PDE7A: variants seen among roughly 807,000 people sequenced by gnomAD.
PDE7A encodes high affinity 3',5'-cyclic-AMP phosphodiesterase 7A.
A neutral mutation model predicts 64.3 loss-of-function variants in PDE7A; 39 were observed. The ratio of observed to expected loss-of-function variants is 0.61; its 90% CI spans 0.47 to 0.79. The LOEUF (loss-of-function observed/expected upper bound fraction) is 0.79, where lower values mean the gene tolerates loss of function less well. PDE7A is among the 30% of genes least tolerant of loss of function. PDE7A has a pLI of 0.00. For missense variants in PDE7A, 470 were observed against 582.8 expected (o/e 0.81, Z 1.99); for synonymous variants, 203 against 206.8 (o/e 0.98, Z 0.16).
At chr8:65,721,958 T>G (rs1806397161) in intron 12 of PDE7A, 1 of 151,956 alleles carries the variant, frequency 6.6e-6, no homozygotes, top group Non-Finnish European at 1.5e-5. Context: ...CCCAGCTAAT[T>G]TTTGTATTTT....
chr8:65,759,635 G>C (rs1241710143), intron 3 of PDE7A, among the ~76,000 whole-genome samples: 1 of 152,192 alleles, frequency 6.6e-6, no homozygotes, highest in Non-Finnish European at 1.5e-5. Flanking sequence ...TACTTGGGTA[G>C]TTGTTTCAGT....
rs371261142 is a variant in PDE7A, at chr8:65,827,864, C to A, written c.138+13507G>T. 3.3e-5 allele frequency among the ~76,000 whole-genome samples: 5 copies of A among 152,266 alleles called. No homozygotes were observed. The East Asian group carries it at 5.8e-4, about 18-fold the overall frequency. On this transcript the variant is annotated intron_variant, in intron 1 of 12. Transcript: ENST00000401827. ...CGAAATCGCCTAATGATGCATTTAT[C>A]AGTATGTATCCTCATTGTTAAGCGA...
At chr8:65,841,223 AAAAGGCTCTGCAATCG>A in intron 1 of PDE7A, 132 bp downstream of exon 1, 5 of 921,784 alleles carry the variant, frequency 5.4e-6, no homozygotes, top group Non-Finnish European at 7.4e-6. Context: ...ATATTCAAAG[AAAAGGCTCTGCAATCG>A]AAAGGCCAGC....
intron 11 of PDE7A, 89 bp downstream of exon 11, chr8:65,724,166 C>T (rs1806510305): frequency 1.3e-6 from 1 of 764,872 alleles, no homozygotes; most frequent in African/African-American, 1.7e-5. Context: ...TACTGCTAGA[C>T]CCATATAAAT....
At chr8:65,775,318 T>C (rs747905829) in intron 3 of PDE7A, among the ~76,000 whole-genome samples, 1 of 152,216 alleles carries the variant, frequency 6.6e-6, no homozygotes, top group Non-Finnish European at 1.5e-5. Context: ...CTTTTCTTAG[T>C]GTATTTTGAT....
intron 3 of PDE7A, among the ~76,000 whole-genome samples, chr8:65,774,012 C>T (rs534968495): frequency 6.6e-6 from 1 of 152,128 alleles, no homozygotes; most frequent in Non-Finnish European, 1.5e-5. Flanking sequence ...TATTGCAATA[C>T]CAAAACATAC....
Position 65,715,379 on chromosome 8 carries a change from GT to G in PDE7A, c.*3910del, listed in dbSNP as rs869132666. ...AGAGAGACCCTGTCTCTATAAAAAA[GT>G]TTTTTTTTTTTTTTTGAGACAGAGT... On this transcript the variant is annotated 3_prime_UTR_variant, in exon 13 of 13. Transcript: ENST00000401827. Among the ~76,000 whole-genome samples the G allele has an allele frequency of 0.023, 3,106 of 133,342 alleles. 36 individuals are homozygous for G. Among genetic ancestry groups the G allele is most frequent in the South Asian group, 0.037 (148 of 3,976 alleles). 87.5% of individuals were successfully genotyped at this position (133,342 alleles called of 152,430 possible).
intron 1 of PDE7A, among the ~76,000 whole-genome samples, chr8:65,813,751 T>C (rs1315066572): frequency 6.6e-6 from 1 of 152,180 alleles, no homozygotes. Context: ...ACAAAGAAGA[T>C]ATTCTTGCAA....
chr8:65,741,659 C>T (rs768621056), intron 5 of PDE7A, among the ~76,000 whole-genome samples: 1 of 152,176 alleles, frequency 6.6e-6, no homozygotes, highest in Admixed American at 6.5e-5. Context: ...GGTACAAACA[C>T]GAGTCCATGT....
intron 3 of PDE7A, among the ~76,000 whole-genome samples, chr8:65,755,781 T>G (rs559123243): frequency 6.6e-6 from 1 of 152,344 alleles, no homozygotes; most frequent in South Asian, 2.1e-4. Flanking sequence ...AGAACTCCCT[T>G]TAGCATTTCT....
Position 65,841,576 on chromosome 8 carries a change from G to C in PDE7A, c.-68C>G. On this transcript the variant is annotated 5_prime_UTR_variant, in exon 1 of 13. Transcript: ENST00000401827. The stretch of plus-strand genomic sequence containing the variant: ...CGGCCGCCGGCCCCTGCAGTGGGAG[G>C]GGGCCGCGGCTCGGGGGCTCCGGGC... 1.0e-6 allele frequency: 1 copy of C among 997,996 alleles called. No individual in the cohort carries two copies. Among genetic ancestry groups the C allele is most frequent in the Non-Finnish European group, 1.3e-6 (1 of 773,226 alleles). 61.8% of individuals were successfully genotyped at this position (997,996 alleles called of 1,614,324 possible). A position where few individuals can be genotyped will look rare whatever the true frequency, so the allele number is the denominator to read the frequency against.
At chr8:65,825,584 G>T (rs1273570295) in intron 1 of PDE7A, among the ~76,000 whole-genome samples, 1 of 152,162 alleles carries the variant, frequency 6.6e-6, no homozygotes, top group Non-Finnish European at 1.5e-5. Flanking sequence ...AGTTAAGATA[G>T]TTCCAATATT....
In PDE7A at chr8:65,841,384, C is replaced by T. The variant is rs1322396465; in HGVS notation, c.125G>A (p.Arg42Gln). ...SSALFGCPNP[R>Q]QLSQRRGAIS... ...GGCGGCGATTACCTGAGAGAGCTGC[C>T]GGGGATTGGGGCAGCCGAAGAGAGC... Residue 42 changes from arginine (R) to glutamine (Q), a missense_variant, in exon 1 of 13, where the codon CGG (arginine) becomes CAG (glutamine). Coordinates refer to ENST00000401827, the MANE Select transcript of PDE7A (RefSeq NM_001242318.3). 1 of 1,555,030 alleles carries T rather than the reference C, an allele frequency of 6.4e-7. No homozygotes were observed. Among genetic ancestry groups the T allele is most frequent in the African/African-American group, 1.4e-5 (1 of 70,286 alleles).
intron 3 of PDE7A, among the ~76,000 whole-genome samples, chr8:65,771,433 TG>T (rs1809078341): frequency 6.6e-6 from 1 of 152,186 alleles, no homozygotes; most frequent in Non-Finnish European, 1.5e-5. Flanking sequence ...TAAAAAATTA[TG>T]AATAGTTTTA....
intron 1 of PDE7A, among the ~76,000 whole-genome samples, chr8:65,806,316 T>A (rs1810107938): frequency 6.6e-6 from 1 of 152,158 alleles, no homozygotes; most frequent in African/African-American, 2.4e-5. Flanking sequence ...ACTTTGTAAA[T>A]TCATAGAGAC....
In PDE7A at chr8:65,747,688, T is replaced by G; in HGVS notation, c.399A>C (p.Leu133=). 1 of 1,611,520 alleles carries G rather than the reference T, an allele frequency of 6.2e-7. No homozygotes were observed. The highest frequency in any genetic ancestry group is 8.5e-7 in the Non-Finnish European group (1 of 1,178,180). The change falls in exon 4 of 13, where the codon CTA becomes CTC. Residue 133 remains leucine (L), a synonymous_variant. Transcript: ENST00000401827. ...CATTATAATCATCATCTAAAATGTTTAGGGAATTTGAAACCGCAGTACCAC... is the reference window on the plus strand; with the variant it reads ...CATTATAATCATCATCTAAAATGTTGAGGGAATTTGAAACCGCAGTACCAC... ...FFRGTAVSNS[L]NILDDDYNGQ...
chr8:65,825,771 T>C (rs1439740634), intron 1 of PDE7A, among the ~76,000 whole-genome samples: 1 of 152,188 alleles, frequency 6.6e-6, no homozygotes, highest in Admixed American at 6.5e-5. Flanking sequence ...GAACACTTAC[T>C]ATGTGATGTA....
chr8:65,730,522 G>A (rs893229026), intron 7 of PDE7A, among the ~76,000 whole-genome samples: 5 of 152,070 alleles, frequency 3.3e-5, no homozygotes, highest in South Asian at 2.1e-4. Flanking sequence ...GATCTGAAGT[G>A]TAACAGTTTC....
At chr8:65,771,966 A>T (rs1809107997) in intron 3 of PDE7A, among the ~76,000 whole-genome samples, 1 of 152,028 alleles carries the variant, frequency 6.6e-6, no homozygotes, top group African/African-American at 2.4e-5. Context: ...TTAGGAGAAT[A>T]CCAGAACAAC....
Sources: gnomAD v4.1 joint callset for allele counts (sites outside exome capture counted in the v4.1 genomes callset) on GRCh38, gnomAD v4.1.1 for gene constraint, MANE v1.5 for transcripts, NCBI Gene and HGNC (gene_info 2026-07-23, HGNC 2026-07-21) for gene names.